The following PRKG1 variants were observed in gnomAD, a reference collection of about 807,000 sequenced individuals.
PRKG1 encodes the protein cGMP-dependent protein kinase 1.
PRKG1 carries 35 observed loss-of-function variants against 88.1 expected under a neutral mutation model. The observed-to-expected ratio is 0.40, with a 90% CI of 0.30 to 0.53. The LOEUF is 0.53. Among genes scored for constraint, PRKG1 ranks in the 20% least tolerant of loss-of-function variants. The pLI, the probability that PRKG1 is intolerant of heterozygous loss-of-function variation, is 0.59. For missense variants in PRKG1, 540 were observed against 839.8 expected (o/e 0.64, Z 4.41); for synonymous variants, 303 against 292.5 (o/e 1.04, Z -0.37).
intron 9 of PRKG1, among the ~76,000 whole-genome samples, chr10:52,243,524 C>T (rs1213011484): frequency 6.6e-6 from 1 of 152,062 alleles, no homozygotes; most frequent in African/African-American, 2.4e-5. Flanking sequence ...GAGATAAAAA[C>T]ATCTTTAAAA....
At chr10:51,486,330 C>A (rs1355859816) in intron 3 of PRKG1, among the ~76,000 whole-genome samples, 2 of 151,876 alleles carry the variant, frequency 1.3e-5, no homozygotes, top group African/African-American at 4.8e-5. Context: ...TAAGTTGTAT[C>A]TTGTAAATAA....
At chr10:51,046,014 A>G (rs1843484219) in intron 1 of PRKG1, among the ~76,000 whole-genome samples, 1 of 152,338 alleles carries the variant, frequency 6.6e-6, no homozygotes, top group South Asian at 2.1e-4. Context: ...AATGTAATTC[A>G]GAGACAGACA....
chr10:51,368,607 C>T (rs994975360), intron 2 of PRKG1, among the ~76,000 whole-genome samples: 2 of 151,994 alleles, frequency 1.3e-5, no homozygotes, highest in Non-Finnish European at 2.9e-5. Context: ...TACAGAGTGA[C>T]ATGGGATGAC....
intron 4 of PRKG1, among the ~76,000 whole-genome samples, chr10:51,883,879 G>T (rs1841496198): frequency 6.6e-6 from 1 of 152,076 alleles, no homozygotes; most frequent in Non-Finnish European, 1.5e-5. Context: ...GAGGTAGAAT[G>T]CTTTAAGACT....
chr10:51,966,058 CAAAT>C (rs200747297), intron 5 of PRKG1, among the ~76,000 whole-genome samples: 2,585 of 152,004 alleles, frequency 0.017, 82 homozygotes, highest in African/African-American at 0.059. Flanking sequence ...TTTTAGTACT[CAAAT>C]AATCAATGTA....
chr10:52,064,517 C>G (rs1330723175), intron 7 of PRKG1, among the ~76,000 whole-genome samples: 1 of 152,210 alleles, frequency 6.6e-6, no homozygotes, highest in Non-Finnish European at 1.5e-5. Flanking sequence ...CCCCCAACAG[C>G]ACAGGGGAGG....
intron 1 of PRKG1, among the ~76,000 whole-genome samples, chr10:51,081,302 T>TA (rs1344993824): frequency 6.6e-6 from 1 of 152,214 alleles, no homozygotes; most frequent in Non-Finnish European, 1.5e-5. Flanking sequence ...AACTATGCCA[T>TA]ATTTGCAAGG....
chr10:51,885,110 C>A (rs188581635), intron 4 of PRKG1, among the ~76,000 whole-genome samples: 2 of 152,316 alleles, frequency 1.3e-5, no homozygotes, highest in Middle Eastern at 3.4e-3. Flanking sequence ...TTACTCTTCT[C>A]ATCTTTAAAA....
chr10:51,057,272 A>C (rs1564583968), intron 1 of PRKG1, among the ~76,000 whole-genome samples: 2 of 152,222 alleles, frequency 1.3e-5, no homozygotes, highest in Non-Finnish European at 2.9e-5. Flanking sequence ...AAAATCTAAC[A>C]GTTGATTGTT....
At chr10:51,959,420 G>A (rs1287198562) in intron 5 of PRKG1, among the ~76,000 whole-genome samples, 1 of 152,088 alleles carries the variant, frequency 6.6e-6, no homozygotes, top group Non-Finnish European at 1.5e-5. Context: ...ATTGAGTACT[G>A]CTGCGCAACT....
At chr10:51,789,292 TG>T (rs1451168126) in intron 3 of PRKG1, among the ~76,000 whole-genome samples, 1 of 152,182 alleles carries the variant, frequency 6.6e-6, no homozygotes, top group Admixed American at 6.6e-5. Context: ...CTGTTAAAAA[TG>T]GCCCACCTGC....
At chr10:51,130,985 G>A (rs1845552868) in intron 1 of PRKG1, among the ~76,000 whole-genome samples, 1 of 152,086 alleles carries the variant, frequency 6.6e-6, no homozygotes, top group Admixed American at 6.6e-5. Context: ...TTCTACTCAA[G>A]GAAATAAAGC....
intron 9 of PRKG1, among the ~76,000 whole-genome samples, chr10:52,203,841 TTTGTTTTGTTTTG>T (rs1342868195): frequency 1.3e-5 from 2 of 152,110 alleles, no homozygotes; most frequent in Non-Finnish European, 2.9e-5. Flanking sequence ...AACCCATGCT[TTTGTTTTGTTTTG>T]TTTTTCATTT....
At chr10:51,972,789 A>C (rs1415230926) in intron 5 of PRKG1, among the ~76,000 whole-genome samples, 1 of 152,180 alleles carries the variant, frequency 6.6e-6, no homozygotes, top group Non-Finnish European at 1.5e-5. Context: ...GTCTTTTAAA[A>C]TAAGTATCAG....
intron 2 of PRKG1, among the ~76,000 whole-genome samples, chr10:51,262,172 C>T (rs1839728663): frequency 6.6e-6 from 1 of 152,062 alleles, no homozygotes; most frequent in East Asian, 1.9e-4. Context: ...AGGCTTGAGC[C>T]ACTGTGCCCG....
intron 3 of PRKG1, among the ~76,000 whole-genome samples, chr10:51,742,908 A>T (rs546922981): frequency 5.2e-4 from 79 of 152,084 alleles, no homozygotes; most frequent in Non-Finnish European, 8.1e-4. Context: ...GAGAGAGAGC[A>T]TTAGGACAAA....
rs1360868674 is a variant in PRKG1, at chr10:51,294,849, G to T, written c.478+141519G>T. Among the ~76,000 whole-genome samples, 3 of 152,086 alleles carry T rather than the reference G, an allele frequency of 2.0e-5. No individual in the cohort carries two copies. The East Asian group carries it at 5.8e-4, about 29-fold the overall frequency. Reference sequence around the variant, plus strand: ...ATCACTTTAGAGGCTGAGACAGGAGGATCACTTGAGGCAAGGAGTTTGAGA... The same window carrying T: ...ATCACTTTAGAGGCTGAGACAGGAGTATCACTTGAGGCAAGGAGTTTGAGA... On this transcript the variant is annotated intron_variant, in intron 2 of 17. Transcript: ENST00000373980.
Position 51,078,631 on chromosome 10 carries a change from TATTG to T in PRKG1, c.311+3732_311+3735del, listed in dbSNP as rs1297024894. ...TTATTTATTTATTTATTTATTTATT[TATTG>T]AGACGGAGTCTCGCTCTATCGCCCA... On this transcript the variant is annotated intron_variant, in intron 1 of 17. Coordinates refer to ENST00000373980, the MANE Select transcript of PRKG1 (RefSeq NM_006258.4). Among the ~76,000 whole-genome samples, 9 of 129,248 alleles carry T rather than the reference TATTG, an allele frequency of 7.0e-5. No individual in the cohort carries two copies. The East Asian group carries it at 9.2e-4, about 13-fold the overall frequency. 84.8% of individuals were successfully genotyped at this position (129,248 alleles called of 152,430 possible).
At chr10:51,699,193 G>A in intron 3 of PRKG1, 2 of 1,614,152 alleles carry the variant, frequency 1.2e-6, no homozygotes, top group Admixed American at 3.3e-5. Flanking sequence ...CTTCTGGATC[G>A]ATGGGATCCC....
Sources: gnomAD v4.1 joint callset for allele counts (sites outside exome capture counted in the v4.1 genomes callset) on GRCh38, gnomAD v4.1.1 for gene constraint, MANE v1.5 for transcripts, NCBI Gene and HGNC (gene_info 2026-07-23, HGNC 2026-07-21) for gene names.